The following CNTNAP5 variants were observed in gnomAD, a reference collection of about 807,000 sequenced individuals.
The protein encoded by CNTNAP5 is contactin-associated protein-like 5.
A neutral mutation model predicts 150.2 loss-of-function variants in CNTNAP5; 72 were observed. The observed-to-expected ratio is 0.48, with a 90% confidence interval of 0.40 to 0.58. The LOEUF is 0.58. CNTNAP5 is among the 20% of genes least tolerant of loss of function. The pLI, the probability that CNTNAP5 is intolerant of heterozygous loss-of-function variation, is 0.00. For synonymous variants in CNTNAP5, 672 were observed against 619.8 expected, an observed-to-expected ratio of 1.08 and a Z score of -1.25; for missense variants, 1,636 against 1,626.2, an observed-to-expected ratio of 1.01 and a Z score of -0.10.
At chr2:124,244,132 C>T (rs1487335868) in intron 3 of CNTNAP5, among the ~76,000 whole-genome samples, 1 of 152,030 alleles carries the variant, frequency 6.6e-6, no homozygotes, top group Non-Finnish European at 1.5e-5. Flanking sequence ...ACCAAATAAT[C>T]TACTTTCAGC....
Position 124,221,794 on chromosome 2 carries a change from C to G in CNTNAP5, c.172C>G (p.Leu58Val). 6.2e-7 allele frequency: 1 copy of G among 1,607,614 alleles called. No homozygotes were observed. ...CACTGGCACTCACAGCCCAGCTCAA[C>G]TCAACTGGAGAGTTGGTAAGTAGGC... ...DLTGTHSPAQ[L>V]NWRVGTGGWS... Residue 58 changes from leucine to valine, a missense_variant, in exon 2 of 24, where the codon CTC (leucine) becomes GTC (valine). Coordinates refer to ENST00000682447, the MANE Select transcript of CNTNAP5 (RefSeq NM_001367498.1).
chr2:124,139,507 T>A (rs1684055379), intron 1 of CNTNAP5, among the ~76,000 whole-genome samples: 1 of 152,084 alleles, frequency 6.6e-6, no homozygotes, highest in Non-Finnish European at 1.5e-5. Context: ...CCCCTTCACC[T>A]GGTAGTTTAC....
At chr2:124,498,827 C>T (rs1694209776) in intron 7 of CNTNAP5, among the ~76,000 whole-genome samples, 1 of 152,114 alleles carries the variant, frequency 6.6e-6, no homozygotes, top group African/African-American at 2.4e-5. Context: ...CAGAATGATT[C>T]AGATGATCCC....
intron 19 of CNTNAP5, among the ~76,000 whole-genome samples, chr2:124,848,234 C>T (rs1023332936): frequency 7.9e-5 from 12 of 152,176 alleles, no homozygotes; most frequent in African/African-American, 2.9e-4. Context: ...TCTATGATTT[C>T]TACCTTTTTG....
At chr2:124,159,842 A>C (rs151328814) in intron 1 of CNTNAP5, among the ~76,000 whole-genome samples, 2 of 152,350 alleles carry the variant, frequency 1.3e-5, no homozygotes, top group South Asian at 4.1e-4. Context: ...TATGAAATTC[A>C]TAAGAAAAAT....
rs143220997 is a variant in CNTNAP5 at position 124,920,258 on chromosome 2, G to A, written c.*5970G>A. On this transcript the variant is annotated 3_prime_UTR_variant, in exon 24 of 24. Transcript: ENST00000682447. ...GATGCCAGAAATATCTTCAGAGAAC[G>A]TGAACAAAGTGCTGGATATGAAACA... Among the ~76,000 whole-genome samples the A allele has an allele frequency of 2.0e-3, 306 of 152,174 alleles. 3 individuals carry two copies. The highest frequency in any genetic ancestry group is 6.6e-3 in the African/African-American group (276 of 41,538).
chr2:124,110,594 T>A (rs1012368421), intron 1 of CNTNAP5, among the ~76,000 whole-genome samples: 2 of 152,262 alleles, frequency 1.3e-5, no homozygotes, highest in African/African-American at 4.8e-5. Flanking sequence ...GGTGAAGCAG[T>A]GTGCTAGCAT....
At chr2:124,608,281 G>A (rs915813581) in intron 11 of CNTNAP5, among the ~76,000 whole-genome samples, 3 of 152,142 alleles carry the variant, frequency 2.0e-5, no homozygotes, top group Admixed American at 6.5e-5. Flanking sequence ...TTTGTCTGAA[G>A]CATCAGACAA....
chr2:124,837,485 A>G (rs1360620858), intron 19 of CNTNAP5, among the ~76,000 whole-genome samples: 4 of 152,126 alleles, frequency 2.6e-5, no homozygotes, highest in South Asian at 2.1e-4. Flanking sequence ...GCTACCGAAG[A>G]TAGTTATCCA....
At chr2:124,083,788 C>T (rs1251508628) in intron 1 of CNTNAP5, among the ~76,000 whole-genome samples, 3 of 151,574 alleles carry the variant, frequency 2.0e-5, no homozygotes, top group African/African-American at 7.3e-5. Context: ...TTCCAGCTTT[C>T]CTTCTTTCTT....
chr2:124,349,848 G>A (rs1689829097), intron 3 of CNTNAP5, among the ~76,000 whole-genome samples: 1 of 128,838 alleles, frequency 7.8e-6, no homozygotes, highest in Non-Finnish European at 1.6e-5. Context: ...CCCTAGACTT[G>A]GTTTTGAAAT....
chr2:124,055,469 A>G (rs1681820333), intron 1 of CNTNAP5, among the ~76,000 whole-genome samples: 1 of 152,062 alleles, frequency 6.6e-6, no homozygotes, highest in African/African-American at 2.4e-5. Flanking sequence ...GCCAGCCTAT[A>G]TCCTGTTCAA....
intron 1 of CNTNAP5, among the ~76,000 whole-genome samples, chr2:124,095,765 T>C (rs909543081): frequency 5.9e-5 from 9 of 152,184 alleles, no homozygotes; most frequent in Admixed American, 5.9e-4. Context: ...TTAATATGCA[T>C]CTTTTTTTTT....
At chr2:124,058,525 C>T (rs1681917710) in intron 1 of CNTNAP5, among the ~76,000 whole-genome samples, 1 of 152,060 alleles carries the variant, frequency 6.6e-6, no homozygotes, top group Non-Finnish European at 1.5e-5. Flanking sequence ...GTCCATTTTC[C>T]ATGCTTTCAA....
intron 3 of CNTNAP5, among the ~76,000 whole-genome samples, chr2:124,328,737 A>G (rs1036186029): frequency 1.3e-5 from 2 of 152,150 alleles, no homozygotes; most frequent in Non-Finnish European, 2.9e-5. Context: ...CAGATATACA[A>G]AAGAAAGGCT....
intron 22 of CNTNAP5, 144 bp from the exon 23 acceptor site, chr2:124,911,323 A>T: frequency 1.6e-6 from 1 of 634,382 alleles, no homozygotes. Context: ...ATGTTTTTTG[A>T]GTTCCTTGCA....
intron 1 of CNTNAP5, among the ~76,000 whole-genome samples, chr2:124,133,352 C>T (rs530075489): frequency 1.7e-4 from 26 of 152,242 alleles, no homozygotes; most frequent in African/African-American, 6.3e-4. Flanking sequence ...TTCTTCAAAG[C>T]TTCTTATATC....
intron 19 of CNTNAP5, among the ~76,000 whole-genome samples, chr2:124,823,730 C>A (rs1682536372): frequency 6.6e-6 from 1 of 152,062 alleles, no homozygotes; most frequent in Non-Finnish European, 1.5e-5. Flanking sequence ...ACAGGATGCC[C>A]ATTTGTAATA....
intron 3 of CNTNAP5, among the ~76,000 whole-genome samples, chr2:124,403,125 C>T (rs1348065825): frequency 1.3e-5 from 2 of 152,196 alleles, no homozygotes; most frequent in African/African-American, 4.8e-5. Flanking sequence ...TTAGTTTGTA[C>T]TCTTCTGGGG....
Sources: gnomAD v4.1 joint callset for allele counts (sites outside exome capture counted in the v4.1 genomes callset) on GRCh38, gnomAD v4.1.1 for gene constraint, MANE v1.5 for transcripts, NCBI Gene and HGNC (gene_info 2026-07-23, HGNC 2026-07-21) for gene names.